The following C3 variants were observed in gnomAD, a reference collection of about 807,000 sequenced individuals.
C3 encodes C3 and PZP-like alpha-2-macroglobulin domain-containing protein 1.
In C3, 97 loss-of-function variants were observed where a neutral mutation model predicts 207.9. The ratio of observed to expected loss-of-function variants is 0.47; its 90% confidence interval spans 0.40 to 0.55. The LOEUF (loss-of-function observed/expected upper bound fraction) is 0.55. C3 is among the 20% of genes least tolerant of loss of function. The pLI is 0.00. For missense variants in C3, 1,684 were observed against 2,171.7 expected, an observed-to-expected ratio of 0.78 and a Z score of 4.46; for synonymous variants, 848 against 857.6, an observed-to-expected ratio of 0.99 and a Z score of 0.20.
At chr19:6,680,718 G>A (rs62125100) in intron 35 of C3, among the ~76,000 whole-genome samples, 1,639 of 152,260 alleles carry the variant, frequency 0.011, 15 homozygotes, top group South Asian at 0.024. Flanking sequence ...CATATTCTTA[G>A]GGGTTTTGTT....
At chr19:6,681,880 C>T (rs1183737077) in intron 35 of C3, 61 bp downstream of exon 35, 3 of 1,224,286 alleles carry the variant, frequency 2.5e-6, no homozygotes, top group Non-Finnish European at 3.6e-6. Flanking sequence ...AAAGAAAGAC[C>T]AGCCAGATAG....
chr19:6,709,828 G>C lies in C3; in HGVS notation c.1701C>G (p.Ser567Arg). 6.2e-7 allele frequency: 1 copy of C among 1,613,824 alleles called. No individual in the cohort carries two copies. Among genetic ancestry groups the C allele is most frequent in the Non-Finnish European group, 8.5e-7 (1 of 1,180,020 alleles). ...DSCVGSLVVK[S>R]GQSEDRQPVP... ...CAGGCTGCCGGTCTTCTGACTGGCC[G>C]CTTTTTACCACCAGCTGTGGGGAGG... Residue 567 changes from serine to arginine, a missense_variant, in exon 14 of 41, where the codon AGC (serine) becomes AGG (arginine). Around this residue, in one of 3 missense-constraint regions of C3, gnomAD observed 1,280 missense variants for 1,739.1 expected, o/e 0.74. Transcript: ENST00000245907.
intron 19 of C3, among the ~76,000 whole-genome samples, chr19:6,699,243 C>CT (rs58493671): frequency 0.72 from 94,112 of 130,714 alleles, 32,332 homozygotes; most frequent in East Asian, 0.88. Context: ...CTTTTCTTTT[C>CT]TTTTTTTTTT....
intron 21 of C3, among the ~76,000 whole-genome samples, chr19:6,697,052 A>AAAAAAAAAAAAAAAT (rs1967552210): frequency 1.1e-5 from 1 of 88,380 alleles, no homozygotes; most frequent in South Asian, 4.1e-4. Context: ...AAAAAAATAA[A>AAAAAAAAAAAAAAAT]CAAACAAATA....
intron 23 of C3, among the ~76,000 whole-genome samples, chr19:6,696,167 G>C (rs10410674): frequency 6.9e-6 from 1 of 144,336 alleles, no homozygotes; most frequent in East Asian, 2.1e-4. Flanking sequence ...CTGAGGTCGC[G>C]CCACTGCACT....
Position 6,696,466 on chromosome 19 carries a change from C to A in C3, c.2864-1G>T. 1 of 1,612,226 alleles carries A rather than the reference C, an allele frequency of 6.2e-7. No homozygotes were observed. Among genetic ancestry groups the A allele is most frequent in the Non-Finnish European group, 8.5e-7 (1 of 1,178,360 alleles). On this transcript the variant is annotated splice_acceptor_variant, in intron 22 of 40. Coordinates refer to ENST00000245907, the MANE Select transcript of C3 (RefSeq NM_000064.4). LOFTEE classifies it high-confidence loss of function. ...GGGATGTCCTCTTTCTGCACTCCTT[C>A]TGCAGGGTGAGTGAGAGATACCGAT...
At chr19:6,709,619 A>ACCACCCCCC in intron 14 of C3, 65 bp downstream of exon 14, 1 of 432,320 alleles carries the variant, frequency 2.3e-6, no homozygotes, top group Admixed American at 3.2e-5. Flanking sequence ...AGTCCCACCC[A>ACCACCCCCC]CCTCCCCCAG....
At position 6,711,182 on chromosome 19, in the gene C3, C is replaced by CA; in HGVS notation, c.1283_1284insT (p.Lys428AsnfsTer161). On this transcript the variant is annotated frameshift_variant, in exon 12 of 41. Transcript: ENST00000245907. LOFTEE classifies it high-confidence loss of function. ...CCTGCTCTGCCTCCGAGAGCTCCTGCTTCTTCGTGCGCACCTGGGTGGGGA... is the reference window on the plus strand; with the variant it reads ...CCTGCTCTGCCTCCGAGAGCTCCTGCATTCTTCGTGCGCACCTGGGTGGGGA... The CA allele has an allele frequency of 6.2e-7, 1 of 1,612,980 alleles. No homozygotes were observed. The highest frequency in any genetic ancestry group is 8.5e-7 in the Non-Finnish European group (1 of 1,179,966).
At chr19:6,689,629 T>C (rs2145403223) in intron 27 of C3, among the ~76,000 whole-genome samples, 1 of 152,142 alleles carries the variant, frequency 6.6e-6, no homozygotes, top group Non-Finnish European at 1.5e-5. Flanking sequence ...GTGGATCACT[T>C]GAGGTCAGGA....
chr19:6,708,261 C>T (rs953520095), intron 14 of C3, among the ~76,000 whole-genome samples: 1 of 151,958 alleles, frequency 6.6e-6, no homozygotes, highest in African/African-American at 2.4e-5. Context: ...CTCAGCCTCC[C>T]GAGTATCTGG....
intron 4 of C3, among the ~76,000 whole-genome samples, chr19:6,715,761 A>C (rs1968020101): frequency 6.6e-6 from 1 of 151,266 alleles, no homozygotes; most frequent in Non-Finnish European, 1.5e-5. Context: ...AGCTGGGACT[A>C]CAGGTGCCCG....
intron 26 of C3, among the ~76,000 whole-genome samples, chr19:6,691,891 G>C (rs1918175803): frequency 6.6e-6 from 1 of 151,866 alleles, no homozygotes; most frequent in African/African-American, 2.4e-5. Flanking sequence ...GGAGGTTGAG[G>C]TAGGAGAATT....
intron 2 of C3, 49 bp from the exon 3 acceptor site, chr19:6,718,461 C>T (rs200262627): frequency 4.2e-4 from 683 of 1,607,128 alleles, no homozygotes; most frequent in Non-Finnish European, 5.4e-4. Context: ...GGCCCCATGC[C>T]CACGGTCCAG....
intron 15 of C3, 81 bp downstream of exon 15, chr19:6,707,719 C>T (rs1967810147): frequency 5.0e-6 from 8 of 1,594,582 alleles, no homozygotes; most frequent in African/African-American, 2.7e-5. Flanking sequence ...CCCAGGCCCC[C>T]GGTTTCCAGA....
At chr19:6,687,378 ATCT>A (rs762182968) in intron 27 of C3, among the ~76,000 whole-genome samples, 4 of 152,128 alleles carry the variant, frequency 2.6e-5, no homozygotes, top group African/African-American at 7.2e-5. Flanking sequence ...CATCATCTTT[ATCT>A]TCTTCATCAT....
In C3 at chr19:6,702,702, A is replaced by G. The variant is rs1967700867; in HGVS notation, c.2246-123T>C. On this transcript the variant is annotated intron_variant, in intron 17 of 40. Transcript: ENST00000245907. Reference sequence around the variant, plus strand: ...CACTTGAGGCCAGGAGTTGGAGACCAGCCTAGCTAACATGGTGAAACCCAT... The same window carrying G: ...CACTTGAGGCCAGGAGTTGGAGACCGGCCTAGCTAACATGGTGAAACCCAT... 2.3e-5 allele frequency: 17 copies of G among 744,836 alleles called. No individual in the cohort carries two copies. In the South Asian group the frequency reaches 2.4e-4, roughly 10 times the overall value. The allele number at this position is 744,836 out of a possible 1,614,324, so 46.1% of individuals were successfully genotyped here. A position where few individuals can be genotyped will look rare whatever the true frequency, so the allele number is the denominator to read the frequency against.
intron 2 of C3, among the ~76,000 whole-genome samples, chr19:6,718,663 T>G (rs1255378927): frequency 7.4e-6 from 1 of 135,508 alleles, no homozygotes; most frequent in African/African-American, 2.8e-5. Context: ...GGGCGGGGAC[T>G]CAGAAAGGGA....
Position 6,707,501 on chromosome 19 carries a change from C to T in C3, c.2012G>A (p.Arg671His), listed in dbSNP as rs1309838043. The T allele has an allele frequency of 1.2e-6, 2 of 1,614,090 alleles. No homozygotes were observed. Among genetic ancestry groups the T allele is most frequent in the Non-Finnish European group, 8.5e-7 (1 of 1,179,988 alleles). ...TCGCTTCTCCGTGAGCTGCACGGAA[C>T]GGCGTCGGCGGGCGGCTGGCTGCGG... is the stretch of plus-strand genomic sequence containing the variant. ...QCPQPAARRR[R>H]SVQLTEKRMD... The change falls in exon 16 of 41, where the codon CGT becomes CAT. Residue 671 changes from arginine (R) to histidine (H), a missense_variant. Physicochemically the swap from Arg to His is conservative, Grantham distance 29. Coordinates refer to ENST00000245907, the MANE Select transcript of C3 (RefSeq NM_000064.4).
rs773903830 is a variant in C3, at chr19:6,678,277, C to G, written c.4725G>C (p.Glu1575Asp). 2 of 1,614,032 alleles carry G rather than the reference C, an allele frequency of 1.2e-6. No homozygotes were observed. Among genetic ancestry groups the G allele is most frequent in the Admixed American group, 3.3e-5 (2 of 59,994 alleles). Reference sequence around the variant, plus strand: ...ACGTGCGCTGCTGTCCAACCTGCACCTCATCCGAGCCTGGAGTGGAGGGGA... The same window carrying G: ...ACGTGCGCTGCTGTCCAACCTGCACGTCATCCGAGCCTGGAGTGGAGGGGA... ...IEQTIKSGSD[E>D]VQVGQQRTFI... Residue 1575 changes from glutamate to aspartate, a missense_variant, in exon 40 of 41, where the codon GAG (glutamate) becomes GAC (aspartate). Coordinates refer to ENST00000245907, the MANE Select transcript of C3 (RefSeq NM_000064.4).
Sources: gnomAD v4.1 joint callset for allele counts (sites outside exome capture counted in the v4.1 genomes callset) on GRCh38, gnomAD v4.1.1 for gene constraint, gnomAD v4.1.1 regional missense constraint, MANE v1.5 for transcripts, NCBI Gene and HGNC (gene_info 2026-07-23, HGNC 2026-07-21) for gene names.